The following PVALB variants were observed in gnomAD, a reference collection of about 807,000 sequenced individuals.
PVALB encodes the protein parvalbumin.
A neutral mutation model predicts 10.9 loss-of-function variants in PVALB; 11 were observed. The observed-to-expected ratio is 1.01, with a 90% confidence interval of 0.63 to 1.67. The LOEUF is 1.67. Among genes scored for constraint, PVALB ranks in the 40% most tolerant of loss-of-function variants. The pLI is 0.00. For missense variants in PVALB, 131 were observed against 136.2 expected, an observed-to-expected ratio of 0.96 and a Z score of 0.19; for synonymous variants, 57 against 50.7, an observed-to-expected ratio of 1.12 and a Z score of -0.53.
chr22:36,803,062 C>T (rs573663768), intron 3 of PVALB, among the ~76,000 whole-genome samples: 1 of 152,274 alleles, frequency 6.6e-6, no homozygotes, highest in Admixed American at 6.5e-5. Context: ...TTATCGAATG[C>T]CAATGTGGGA....
At chr22:36,812,200 A>C (rs1939056983) in intron 3 of PVALB, among the ~76,000 whole-genome samples, 1 of 152,220 alleles carries the variant, frequency 6.6e-6, no homozygotes, top group Non-Finnish European at 1.5e-5. Context: ...AGGTGTGCAG[A>C]GGTGACGTGT....
intron 3 of PVALB, 129 bp downstream of exon 3, chr22:36,813,517 G>T: frequency 5.5e-6 from 4 of 725,342 alleles, no homozygotes; most frequent in Admixed American, 4.6e-5. Flanking sequence ...ACTGCTTTTT[G>T]TCTTCTAATC....
intron 3 of PVALB, 96 bp downstream of exon 3, chr22:36,813,550 A>G: frequency 9.9e-7 from 1 of 1,006,668 alleles, no homozygotes; most frequent in East Asian, 2.4e-5. Flanking sequence ...GGACCCCCAT[A>G]TCATCCCTTC....
intron 2 of PVALB, among the ~76,000 whole-genome samples, 190 bp downstream of exon 2, chr22:36,814,913 C>A (rs868274626): frequency 6.6e-6 from 1 of 152,104 alleles, no homozygotes; most frequent in East Asian, 1.9e-4. Flanking sequence ...TTTACTCTTC[C>A]GAAGCAATAG....
intron 1 of PVALB, 98 bp downstream of exon 1, chr22:36,816,847 G>C: frequency 9.2e-7 from 1 of 1,091,450 alleles, no homozygotes; most frequent in East Asian, 3.0e-5. Context: ...GGGCAGAAGC[G>C]CGCTGGGGAG....
At chr22:36,815,533 A>G in intron 1 of PVALB, 1 of 377,100 alleles carries the variant, frequency 2.7e-6, no homozygotes, top group South Asian at 3.3e-5. Flanking sequence ...AGCACCTAAG[A>G]ACCAAAGGCT....
intron 3 of PVALB, among the ~76,000 whole-genome samples, chr22:36,812,686 G>A (rs548763776): frequency 4.1e-4 from 63 of 152,164 alleles, no homozygotes; most frequent in Non-Finnish European, 8.2e-4. Context: ...GGGGCCCAGA[G>A]GCCAAACACC....
At position 36,813,655 on chromosome 22, in the gene PVALB, C is replaced by T; in HGVS notation, c.295G>A (p.Gly99Arg). Residue 99 changes from glycine to arginine, a missense_variant, in exon 3 of 4, where the codon GGG becomes AGG. Gly to Arg is a moderately radical substitution (Grantham distance 125). Coordinates refer to ENST00000417718, the MANE Select transcript of PVALB (RefSeq NM_001315532.2). ...AGDKDGDGKI[G>R]VDEFSTLVAE... ...GGTCACGGCTACCCACCGTCAACCC[C>T]AATTTTGCCGTCCCCATCTTTGTCT... is the stretch of plus-strand genomic sequence containing the variant. 1.2e-6 allele frequency: 2 copies of T among 1,613,700 alleles called. No individual in the cohort carries two copies. The highest frequency in any genetic ancestry group is 1.7e-6 in the Non-Finnish European group (2 of 1,179,600).
chr22:36,805,523 G>C (rs979209071), intron 3 of PVALB, among the ~76,000 whole-genome samples: 2 of 152,204 alleles, frequency 1.3e-5, no homozygotes, highest in East Asian at 1.9e-4. Flanking sequence ...TTGTCTCCAT[G>C]ATCCCAGCAT....
At chr22:36,815,268 C>T in intron 1 of PVALB, 33 bp from the exon 2 acceptor site, 1 of 1,613,638 alleles carries the variant, frequency 6.2e-7, no homozygotes, top group Non-Finnish European at 8.5e-7. Flanking sequence ...AAACAAGGAC[C>T]AGAAAGGCTG....
intron 3 of PVALB, among the ~76,000 whole-genome samples, chr22:36,808,264 G>A (rs1938990645): frequency 6.6e-6 from 1 of 152,342 alleles, no homozygotes; most frequent in South Asian, 2.1e-4. Flanking sequence ...GTTAAAAGAT[G>A]TAAGGCCTGT....
At chr22:36,809,633 T>C (rs1939015339) in intron 3 of PVALB, among the ~76,000 whole-genome samples, 1 of 152,160 alleles carries the variant, frequency 6.6e-6, no homozygotes, top group Admixed American at 6.5e-5. Context: ...ACTTCAGAGA[T>C]AGCTAGGAAG....
At chr22:36,816,741 C>T (rs1939144902) in intron 1 of PVALB, among the ~76,000 whole-genome samples, 2 of 152,178 alleles carry the variant, frequency 1.3e-5, no homozygotes, top group South Asian at 4.1e-4. Context: ...CGCCCTCTTC[C>T]CCGCCCGCTC....
In PVALB at chr22:36,802,928, C is replaced by T. The variant is rs148602077; in HGVS notation, c.305-2010G>A. Among the ~76,000 whole-genome samples the T allele has an allele frequency of 1.2e-3, 183 of 152,244 alleles. 2 individuals carry two copies. Among genetic ancestry groups the T allele is most frequent in the South Asian group, 7.1e-3 (34 of 4,822 alleles). On this transcript the variant is annotated intron_variant, in intron 3 of 3. Coordinates refer to ENST00000417718, the MANE Select transcript of PVALB (RefSeq NM_001315532.2). ...TACAGAATCCCTCCCATAGGGCAGGCGTCAAAGTGCTTGCTTTCTCAGCCA... is the reference window on the plus strand; with the variant it reads ...TACAGAATCCCTCCCATAGGGCAGGTGTCAAAGTGCTTGCTTTCTCAGCCA...
intron 3 of PVALB, 110 bp from the exon 4 acceptor site, chr22:36,801,028 G>T: frequency 9.8e-7 from 1 of 1,018,188 alleles, no homozygotes; most frequent in Non-Finnish European, 1.5e-6. Context: ...TCTTGCTTCT[G>T]CTGCAGCAGC....
At position 36,800,772 on chromosome 22, in the gene PVALB, G is replaced by T; in HGVS notation, c.*118C>A. The T allele has an allele frequency of 8.9e-7, 1 of 1,125,178 alleles. No homozygotes were observed. The highest frequency in any genetic ancestry group is 1.4e-6 in the Non-Finnish European group (1 of 736,672). The allele number at this position is 1,125,178 out of a possible 1,614,324, so 69.7% of individuals were successfully genotyped here. ...ATGGTGTCATTAGAGGGCCACAGGG[G>T]ATGGGGGAGTAAAAAATAACATAAA... On this transcript the variant is annotated 3_prime_UTR_variant, in exon 4 of 4. Coordinates refer to ENST00000417718, the MANE Select transcript of PVALB (RefSeq NM_001315532.2).
intron 3 of PVALB, among the ~76,000 whole-genome samples, chr22:36,812,013 G>A (rs1443939038): frequency 2.6e-5 from 4 of 152,056 alleles, no homozygotes; most frequent in Non-Finnish European, 4.4e-5. Flanking sequence ...AAACAGAAAA[G>A]AAATCAACAA....
At chr22:36,819,034 C>A (rs768772810), upstream of PVALB, among the ~76,000 whole-genome samples, 1 of 152,178 alleles carries the variant, frequency 6.6e-6, no homozygotes, top group Non-Finnish European at 1.5e-5. Context: ...CTTGACACCC[C>A]CTCCGGGACT....
chr22:36,801,467 T>C (rs1475498479), intron 3 of PVALB, among the ~76,000 whole-genome samples: 6 of 151,958 alleles, frequency 3.9e-5, no homozygotes. Flanking sequence ...TGCTGGGGAG[T>C]GTAGGGTCTC....
Sources: gnomAD v4.1 joint callset for allele counts (sites outside exome capture counted in the v4.1 genomes callset) on GRCh38, gnomAD v4.1.1 for gene constraint, MANE v1.5 for transcripts, NCBI Gene and HGNC (gene_info 2026-07-23, HGNC 2026-07-21) for gene names.